Variants in ARSB observed in about 807,000 individuals in gnomAD.
ARSB encodes the protein arylsulfatase B, also known as N-acetylgalactosamine-4-sulfatase.
A neutral mutation model predicts 50.9 loss-of-function variants in ARSB; 41 were observed. The ratio of observed to expected loss-of-function variants is 0.81; its 90% CI spans 0.63 to 1.04. ARSB has a LOEUF of 1.04. Among genes scored for constraint, ARSB ranks in the 50% least tolerant of loss-of-function variants. The pLI, the probability that ARSB is intolerant of heterozygous loss-of-function variation, is 0.00. For missense variants in ARSB, 672 were observed against 693.3 expected (o/e 0.97, Z 0.35); for synonymous variants, 269 against 284.8 (o/e 0.94, Z 0.56).
intron 5 of ARSB, among the ~76,000 whole-genome samples, chr5:78,867,515 C>T (rs1581065830): frequency 1.3e-5 from 2 of 152,200 alleles, no homozygotes; most frequent in Admixed American, 1.3e-4. Flanking sequence ...TGACCCCTGA[C>T]CCCCGAGCAG....
chr5:78,945,572 A>T (rs764620666), intron 4 of ARSB, among the ~76,000 whole-genome samples: 1 of 152,142 alleles, frequency 6.6e-6, no homozygotes, highest in Non-Finnish European at 1.5e-5. Context: ...TTTCAGTTCT[A>T]AAGTGAAAAT....
chr5:78,780,195 T>A lies in ARSB; in HGVS notation c.*202A>T. ...CCAGCCACCCCCACCTCTAGACACA[T>A]GCTCCAGCCAACAGCAGGAGTGTTG... On this transcript the variant is annotated 3_prime_UTR_variant, in exon 8 of 8. Coordinates refer to ENST00000264914, the MANE Select transcript of ARSB (RefSeq NM_000046.5). 1 of 663,376 alleles carries A rather than the reference T, an allele frequency of 1.5e-6. No individual in the cohort carries two copies. 41.1% of individuals were successfully genotyped at this position (663,376 alleles called of 1,614,324 possible).
chr5:78,922,790 T>C (rs999492816), intron 4 of ARSB, among the ~76,000 whole-genome samples: 2 of 151,978 alleles, frequency 1.3e-5, no homozygotes, highest in African/African-American at 2.4e-5. Context: ...TTAGCATTTC[T>C]GGAGCTGCCC....
intron 4 of ARSB, among the ~76,000 whole-genome samples, chr5:78,921,107 T>C (rs968543449): frequency 1.3e-5 from 2 of 152,170 alleles, no homozygotes; most frequent in African/African-American, 4.8e-5. Flanking sequence ...CCTGTCCTTT[T>C]CTCCTTCCAT....
intron 2 of ARSB, among the ~76,000 whole-genome samples, chr5:78,967,402 C>T (rs1157074585): frequency 2.0e-5 from 3 of 152,100 alleles, no homozygotes; most frequent in African/African-American, 7.2e-5. Flanking sequence ...AGGCTGGGCG[C>T]GGTGGCTCAC....
chr5:78,791,705 T>C (rs1382715271), intron 6 of ARSB, among the ~76,000 whole-genome samples: 1 of 152,270 alleles, frequency 6.6e-6, no homozygotes, highest in Admixed American at 6.5e-5. Flanking sequence ...CGTGCATGTA[T>C]GCACTGTTGT....
At chr5:78,785,326 A>T (rs1749048331) in intron 6 of ARSB, among the ~76,000 whole-genome samples, 1 of 152,232 alleles carries the variant, frequency 6.6e-6, no homozygotes, top group Non-Finnish European at 1.5e-5. Context: ...AAAAACATGT[A>T]GTCTGAAGTT....
At chr5:78,791,363 T>A (rs1749231346) in intron 6 of ARSB, among the ~76,000 whole-genome samples, 1 of 152,252 alleles carries the variant, frequency 6.6e-6, no homozygotes, top group East Asian at 1.9e-4. Context: ...ATGTGTCTCT[T>A]AAAGCTTATT....
At chr5:78,806,170 T>C (rs1274073743) in intron 6 of ARSB, among the ~76,000 whole-genome samples, 2 of 152,198 alleles carry the variant, frequency 1.3e-5, no homozygotes, top group African/African-American at 4.8e-5. Context: ...TCTAACACCC[T>C]AGTGTGTAAG....
At chr5:78,938,342 C>T (rs1750732652) in intron 4 of ARSB, among the ~76,000 whole-genome samples, 1 of 152,182 alleles carries the variant, frequency 6.6e-6, no homozygotes, top group Admixed American at 6.5e-5. Flanking sequence ...TCAGTGTGGA[C>T]ATTAACAGGT....
chr5:78,820,138 G>A (rs1005297628), intron 6 of ARSB, among the ~76,000 whole-genome samples: 1 of 152,118 alleles, frequency 6.6e-6, no homozygotes, highest in Non-Finnish European at 1.5e-5. Context: ...GCAGCCACAG[G>A]GCACCATCTT....
At chr5:78,795,617 T>G (rs1743148847) in intron 6 of ARSB, among the ~76,000 whole-genome samples, 1 of 152,182 alleles carries the variant, frequency 6.6e-6, no homozygotes, top group Admixed American at 6.5e-5. Flanking sequence ...CACTACTTAC[T>G]TAGAATCCTG....
At chr5:78,850,526 TG>T (rs1745714912) in intron 5 of ARSB, among the ~76,000 whole-genome samples, 1 of 152,106 alleles carries the variant, frequency 6.6e-6, no homozygotes, top group African/African-American at 2.4e-5. Context: ...TTCTCTTTTT[TG>T]GTTGTGTCTC....
At chr5:78,805,159 T>G (rs1383574167) in intron 6 of ARSB, among the ~76,000 whole-genome samples, 1 of 152,238 alleles carries the variant, frequency 6.6e-6, no homozygotes, top group African/African-American at 2.4e-5. Flanking sequence ...CAGGGGCTGC[T>G]GAAAACACCC....
intron 5 of ARSB, among the ~76,000 whole-genome samples, chr5:78,882,020 G>T (rs1432069856): frequency 6.6e-6 from 1 of 152,288 alleles, no homozygotes; most frequent in African/African-American, 2.4e-5. Context: ...AATAGCCTGA[G>T]TGGGGAAACC....
At chr5:78,926,057 CTATA>C (rs1258055192) in intron 4 of ARSB, among the ~76,000 whole-genome samples, 1 of 151,972 alleles carries the variant, frequency 6.6e-6, no homozygotes, top group Non-Finnish European at 1.5e-5. Context: ...TATATTTGAA[CTATA>C]TAGTTTCTAA....
intron 6 of ARSB, among the ~76,000 whole-genome samples, chr5:78,823,824 G>A (rs573505636): frequency 6.6e-6 from 1 of 152,342 alleles, no homozygotes; most frequent in African/African-American, 2.4e-5. Context: ...TGGATAATCT[G>A]AAAGATAATG....
intron 5 of ARSB, chr5:78,885,272 A>AC: frequency 4.8e-6 from 2 of 413,906 alleles, no homozygotes; most frequent in East Asian, 3.6e-5. Flanking sequence ...TAGTTCCCTG[A>AC]CCCCCTGCAG....
chr5:78,829,388 T>A (rs1206099249), intron 6 of ARSB, among the ~76,000 whole-genome samples: 1 of 152,270 alleles, frequency 6.6e-6, no homozygotes, highest in African/African-American at 2.4e-5. Flanking sequence ...GATATCCTTT[T>A]TGAGAACACC....
Sources: allele counts gnomAD v4.1 joint callset (sites outside exome capture counted in the v4.1 genomes callset), GRCh38; gene constraint gnomAD v4.1.1; transcripts MANE v1.5; gene names NCBI Gene and HGNC (gene_info 2026-07-23, HGNC 2026-07-21).